RAB31: variants seen among roughly 807,000 people sequenced by gnomAD.
RAB31 encodes ras-related protein Rab-31.
A neutral mutation model predicts 25.6 loss-of-function variants in RAB31; 21 were observed. The ratio of observed to expected loss-of-function variants is 0.82; its 90% confidence interval spans 0.58 to 1.18. The LOEUF is 1.18. Ranked by LOEUF, RAB31 falls within the 50% of genes most tolerant of loss-of-function variation. The pLI is 0.00. For synonymous variants in RAB31, 87 were observed against 84.0 expected, an observed-to-expected ratio of 1.04 and a Z score of -0.20; for missense variants, 196 against 250.1, an observed-to-expected ratio of 0.78 and a Z score of 1.46.
chr18:9,836,520 G>A (rs532811363), intron 5 of RAB31, among the ~76,000 whole-genome samples: 1 of 152,276 alleles, frequency 6.6e-6, no homozygotes, highest in South Asian at 2.1e-4. Context: ...TGGATAGAGT[G>A]AAAAAATATC....
chr18:9,728,130 A>G (rs1371479157), intron 1 of RAB31, among the ~76,000 whole-genome samples: 1 of 152,146 alleles, frequency 6.6e-6, no homozygotes, highest in Admixed American at 6.5e-5. Flanking sequence ...ATATGCAAAC[A>G]TTTTCTTGCC....
intron 5 of RAB31, among the ~76,000 whole-genome samples, chr18:9,830,966 C>A (rs2068675188): frequency 6.6e-6 from 1 of 152,218 alleles, no homozygotes; most frequent in Non-Finnish European, 1.5e-5. Context: ...TACTGACCTG[C>A]AGTATTAGCT....
At chr18:9,832,192 G>A (rs2068681971) in intron 5 of RAB31, among the ~76,000 whole-genome samples, 1 of 152,182 alleles carries the variant, frequency 6.6e-6, no homozygotes, top group African/African-American at 2.4e-5. Flanking sequence ...CCACGGAAAG[G>A]CCAGGGCCAA....
chr18:9,719,352 A>T (rs2068062983), intron 1 of RAB31, among the ~76,000 whole-genome samples: 1 of 120,918 alleles, frequency 8.3e-6, no homozygotes. Flanking sequence ...TGATCTAATT[A>T]TGAGGGAGGG....
At chr18:9,761,052 T>C (rs1265511450) in intron 1 of RAB31, among the ~76,000 whole-genome samples, 3 of 152,154 alleles carry the variant, frequency 2.0e-5, no homozygotes, top group African/African-American at 7.2e-5. Context: ...GATTTACTCT[T>C]AGATGGAATG....
At chr18:9,763,195 C>A (rs2068297958) in intron 1 of RAB31, among the ~76,000 whole-genome samples, 1 of 152,054 alleles carries the variant, frequency 6.6e-6, no homozygotes, top group Admixed American at 6.5e-5. Context: ...CTGGCCGTAA[C>A]ATGTGTCCTT....
intron 6 of RAB31, among the ~76,000 whole-genome samples, chr18:9,852,782 T>G (rs2068795649): frequency 6.6e-6 from 1 of 152,234 alleles, no homozygotes; most frequent in Non-Finnish European, 1.5e-5. Context: ...TAGGTGTGTT[T>G]TTAACTTTCT....
intron 5 of RAB31, among the ~76,000 whole-genome samples, chr18:9,844,555 C>A (rs1443160390): frequency 6.6e-6 from 1 of 152,152 alleles, no homozygotes; most frequent in African/African-American, 2.4e-5. Flanking sequence ...ATTAGAGTGC[C>A]CCTGGATGAG....
In RAB31 at chr18:9,783,426, C is replaced by T. The variant is rs1481726036; in HGVS notation, c.119+8069C>T. On this transcript the variant is annotated intron_variant, in intron 2 of 6. Coordinates refer to ENST00000578921, the MANE Select transcript of RAB31 (RefSeq NM_006868.4). ...TTGGACTGGATATTTTATATTTTTTCCAAGATTTTAAAGGCATGAACTTTG... is the reference window on the plus strand; with the variant it reads ...TTGGACTGGATATTTTATATTTTTTTCAAGATTTTAAAGGCATGAACTTTG... 2.6e-5 allele frequency among the ~76,000 whole-genome samples: 4 copies of T among 152,072 alleles called. No individual in the cohort carries two copies. The East Asian group carries it at 7.7e-4, about 29-fold the overall frequency.
chr18:9,756,726 T>C (rs1038613236), intron 1 of RAB31, among the ~76,000 whole-genome samples: 10 of 152,220 alleles, frequency 6.6e-5, no homozygotes, highest in Admixed American at 1.3e-4. Flanking sequence ...TCATCTATGA[T>C]AATGCTTGGC....
At chr18:9,824,647 G>A (rs139374717) in intron 5 of RAB31, among the ~76,000 whole-genome samples, 1 of 152,338 alleles carries the variant, frequency 6.6e-6, no homozygotes, top group East Asian at 1.9e-4. Context: ...AGAGATGCCT[G>A]TTCAGTGTGT....
At chr18:9,760,754 G>A (rs1215870393) in intron 1 of RAB31, among the ~76,000 whole-genome samples, 2 of 152,150 alleles carry the variant, frequency 1.3e-5, no homozygotes, top group African/African-American at 2.4e-5. Context: ...CAAGGCCCCC[G>A]CTAAGGACGC....
intron 1 of RAB31, among the ~76,000 whole-genome samples, chr18:9,765,743 A>C (rs2068312538): frequency 6.6e-6 from 1 of 152,186 alleles, no homozygotes; most frequent in Non-Finnish European, 1.5e-5. Flanking sequence ...AGGCCTAGAC[A>C]CAGACTCAAG....
At position 9,727,820 on chromosome 18, in the gene RAB31, CT is replaced by C. The variant is rs1444376524; in HGVS notation, c.39+19380del. ...TTGACAAGTAAAAATTGAATGTCCA[CT>C]TTTAAGGTATGCAATATGATGTTTT... On this transcript the variant is annotated intron_variant, in intron 1 of 6. Coordinates refer to ENST00000578921, the MANE Select transcript of RAB31 (RefSeq NM_006868.4). Among the ~76,000 whole-genome samples the C allele has an allele frequency of 1.5e-4, 23 of 152,292 alleles. No individual in the cohort carries two copies. The East Asian group carries it at 4.4e-3, about 29-fold the overall frequency.
intron 6 of RAB31, among the ~76,000 whole-genome samples, chr18:9,846,168 G>A (rs1014538889): frequency 3.9e-5 from 6 of 152,104 alleles, no homozygotes; most frequent in South Asian, 2.1e-4. Context: ...TACAGGGTTG[G>A]CGTGTACAGG....
chr18:9,747,738 G>A lies in RAB31; in HGVS notation c.40-27540G>A, dbSNP rs577096332. Among the ~76,000 whole-genome samples the A allele has an allele frequency of 9.9e-3, 1,513 of 152,302 alleles. 25 individuals are homozygous for A. The highest frequency in any genetic ancestry group is 0.034 in the African/African-American group (1,427 of 41,546). Reference sequence around the variant, plus strand: ...GGGGAATAACTGCTTAATGAATATGGAGTGATTTGGGGGTGAAGAAAGTGT... The same window carrying A: ...GGGGAATAACTGCTTAATGAATATGAAGTGATTTGGGGGTGAAGAAAGTGT... On this transcript the variant is annotated intron_variant, in intron 1 of 6. Transcript: ENST00000578921.
At chr18:9,784,727 A>ACG (rs1200777439) in intron 2 of RAB31, among the ~76,000 whole-genome samples, 192 of 151,702 alleles carry the variant, frequency 1.3e-3, no homozygotes, top group Non-Finnish European at 2.2e-3. Flanking sequence ...TAATTTTTGT[A>ACG]TTTATAGTAG....
intron 5 of RAB31, among the ~76,000 whole-genome samples, chr18:9,834,843 C>T (rs1340109633): frequency 6.6e-6 from 1 of 152,068 alleles, no homozygotes; most frequent in Non-Finnish European, 1.5e-5. Context: ...CACATACTGC[C>T]CAGAAGTTTC....
In RAB31 at chr18:9,708,462, C is replaced by T. The variant is rs768948735; in HGVS notation, c.39+18C>T. On this transcript the variant is annotated intron_variant, in intron 1 of 6. Transcript: ENST00000578921. The surrounding 1 kb of genome is among the most constrained non-coding windows in gnomAD (Gnocchi z 6.4). The stretch of plus-strand genomic sequence containing the variant: ...TTCTCGGGGTGAGTCCTGGCCGCCA[C>T]CCGCCGGCGGACCCCGGCCCGCGCT... 28 of 1,552,956 alleles carry T rather than the reference C, an allele frequency of 1.8e-5. 1 individual carries two copies. In the South Asian group the frequency reaches 3.3e-4, roughly 18 times the overall value.
Sources: allele counts gnomAD v4.1 joint callset (sites outside exome capture counted in the v4.1 genomes callset), GRCh38; gene constraint gnomAD v4.1.1; non-coding constraint Gnocchi (gnomAD v3.1); transcripts MANE v1.5; gene names NCBI Gene and HGNC (gene_info 2026-07-23, HGNC 2026-07-21).